UGT2B7: variants seen among roughly 807,000 people sequenced by gnomAD.
UGT2B7 encodes the protein UDP glucuronosyltransferase family 2 member B7.
UGT2B7 carries 51 observed loss-of-function variants against 51.9 expected under a neutral mutation model. That is an observed-to-expected ratio of 0.98 (90% CI 0.78 to 1.24). The LOEUF is 1.24. Among genes scored for constraint, UGT2B7 ranks in the 50% most tolerant of loss-of-function variants. The pLI is 0.00. For synonymous variants in UGT2B7, 225 were observed against 211.6 expected (o/e 1.06, Z -0.55); for missense variants, 727 against 628.4 (o/e 1.16, Z -1.68).
chr4:69,092,596 A>C (rs1194939286), upstream of UGT2B7, among the ~76,000 whole-genome samples: 2 of 148,040 alleles, frequency 1.4e-5, no homozygotes, highest in African/African-American at 5.3e-5. Context: ...AAATATAAAA[A>C]GTAAAATATA....
intron 1 of UGT2B7, among the ~76,000 whole-genome samples, chr4:69,076,105 G>A (rs1718698169): frequency 6.6e-6 from 1 of 152,156 alleles, no homozygotes; most frequent in African/African-American, 2.4e-5. Flanking sequence ...CAAAGGACAT[G>A]TACTCATCCT....
chr4:69,101,647 TA>T (rs34302283), intron 2 of UGT2B7, among the ~76,000 whole-genome samples: 87,563 of 151,872 alleles, frequency 0.58, 26,243 homozygotes, highest in African/African-American at 0.71. Flanking sequence ...AATCATATTT[TA>T]AAAAAACACT....
chr4:69,057,907 G>A (rs1244744242), intron 1 of UGT2B7, among the ~76,000 whole-genome samples: 2 of 152,122 alleles, frequency 1.3e-5, no homozygotes, highest in African/African-American at 4.8e-5. Context: ...TTATAGATAG[G>A]GACACAATTG....
intron 1 of UGT2B7, among the ~76,000 whole-genome samples, chr4:69,078,338 T>C (rs1315342750): frequency 6.6e-6 from 1 of 152,184 alleles, no homozygotes; most frequent in Non-Finnish European, 1.5e-5. Flanking sequence ...GGACTCCCTC[T>C]TTTTCTATGT....
chr4:69,085,817 A>G (rs1266464565), intron 1 of UGT2B7, among the ~76,000 whole-genome samples: 1 of 151,822 alleles, frequency 6.6e-6, no homozygotes, highest in Non-Finnish European at 1.5e-5. Flanking sequence ...TGTTGGCATG[A>G]ACTTGTTTAT....
intron 1 of UGT2B7, among the ~76,000 whole-genome samples, chr4:69,073,912 T>C (rs1718650909): frequency 6.6e-6 from 1 of 152,154 alleles, no homozygotes; most frequent in Admixed American, 6.6e-5. Context: ...TCAACCTTCA[T>C]TTCATATATA....
At chr4:69,054,700 A>G (rs1431257989) in intron 1 of UGT2B7, among the ~76,000 whole-genome samples, 3 of 152,030 alleles carry the variant, frequency 2.0e-5, no homozygotes, top group African/African-American at 7.2e-5. Context: ...CAACCCCTGC[A>G]AAGTGACTCT....
chr4:69,075,284 A>T (rs78809548), intron 1 of UGT2B7, among the ~76,000 whole-genome samples: 5,535 of 152,178 alleles, frequency 0.036, 322 homozygotes, highest in African/African-American at 0.13. Flanking sequence ...AATAAATTAT[A>T]CTGAAAGTGA....
intron 1 of UGT2B7, among the ~76,000 whole-genome samples, chr4:69,074,744 C>T (rs1277025706): frequency 1.3e-5 from 2 of 152,066 alleles, no homozygotes; most frequent in Non-Finnish European, 1.5e-5. Flanking sequence ...CTTCAAGGTA[C>T]TATGTCTCAT....
intron 1 of UGT2B7, among the ~76,000 whole-genome samples, chr4:69,070,308 A>G (rs984067233): frequency 6.8e-6 from 1 of 147,890 alleles, no homozygotes; most frequent in African/African-American, 2.5e-5. Flanking sequence ...TTGTATTTTT[A>G]TTGTTTTATT....
chr4:69,059,303 T>C (rs1258662670), intron 1 of UGT2B7, among the ~76,000 whole-genome samples: 2 of 152,200 alleles, frequency 1.3e-5, no homozygotes, highest in Admixed American at 1.3e-4. Context: ...GCCCATCGGT[T>C]GGTCAAAGAG....
chr4:69,080,921 T>C (rs1229664749), intron 1 of UGT2B7, among the ~76,000 whole-genome samples: 2 of 152,128 alleles, frequency 1.3e-5, no homozygotes, highest in Non-Finnish European at 2.9e-5. Context: ...ATTAGGTAAG[T>C]GCTGTAAATT....
Position 69,078,366 on chromosome 4 carries a change from G to T in UGT2B7, c.-158-11106G>T, listed in dbSNP as rs138261568. ...TTCTATGTTTGGAATAGTTTCAGAA[G>T]GAATGGTACCATCTCCTCTTTGTAC... On this transcript the variant is annotated intron_variant, in intron 1 of 5. Transcript: ENST00000502942. Among the ~76,000 whole-genome samples the T allele has an allele frequency of 1.4e-3, 214 of 152,242 alleles. 1 individual carries two copies. Among genetic ancestry groups the T allele is most frequent in the African/African-American group, 5.0e-3 (206 of 41,554 alleles).
At chr4:69,056,953 G>A (rs4235114) in intron 1 of UGT2B7, among the ~76,000 whole-genome samples, 1 of 151,992 alleles carries the variant, frequency 6.6e-6, no homozygotes, top group African/African-American at 2.4e-5. Context: ...TCAAAGACAG[G>A]CAGCCCAGCA....
chr4:69,052,569 CAA>C (rs1204317464), intron 1 of UGT2B7, among the ~76,000 whole-genome samples: 15,011 of 65,074 alleles, frequency 0.23, 786 homozygotes, highest in East Asian at 0.39. Flanking sequence ...TGGTTATCTT[CAA>C]AAAAAAAAAA....
intron 2 of UGT2B7, 112 bp downstream of exon 2, chr4:69,098,800 G>T: frequency 6.5e-7 from 1 of 1,546,170 alleles, no homozygotes; most frequent in Non-Finnish European, 8.7e-7. Flanking sequence ...ATGGGAAATG[G>T]GTGGGGTAAA....
intron 1 of UGT2B7, chr4:69,069,537 C>T (rs549897736): frequency 1.9e-4 from 29 of 152,022 alleles, no homozygotes; most frequent in Middle Eastern, 6.8e-3. Flanking sequence ...TATTTTTCAT[C>T]CACTTTTATG....
At chr4:69,070,424 T>C (rs1299595048) in intron 1 of UGT2B7, among the ~76,000 whole-genome samples, 9 of 141,034 alleles carry the variant, frequency 6.4e-5, no homozygotes, top group South Asian at 4.5e-4. Flanking sequence ...ATGGAATATA[T>C]GTGTCCCTGT....
At chr4:69,072,171 A>G (rs1718616450) in intron 1 of UGT2B7, among the ~76,000 whole-genome samples, 1 of 152,132 alleles carries the variant, frequency 6.6e-6, no homozygotes, top group African/African-American at 2.4e-5. Context: ...CACATAGTAT[A>G]TTAAATTCCA....
Sources: allele counts gnomAD v4.1 joint callset (sites outside exome capture counted in the v4.1 genomes callset), GRCh38; gene constraint gnomAD v4.1.1; transcripts MANE v1.5; gene names NCBI Gene and HGNC (gene_info 2026-07-23, HGNC 2026-07-21).